Variants in TRPM3 observed in about 807,000 individuals in gnomAD.
TRPM3 encodes transient receptor potential cation channel subfamily M member 3.
Under a neutral mutation model 181.2 loss-of-function variants are expected in TRPM3, and 77 were observed. The observed-to-expected ratio is 0.42, with a 90% CI of 0.35 to 0.51. The LOEUF is 0.51. TRPM3 is among the 20% of genes least tolerant of loss of function. The pLI, the probability that TRPM3 is intolerant of heterozygous loss-of-function variation, is 0.01. For missense variants in TRPM3, 1,759 were observed against 2,196.7 expected (o/e 0.80, Z 3.98); for synonymous variants, 745 against 796.4 (o/e 0.94, Z 1.09).
At chr9:71,020,977 A>G (rs1369814573) in intron 1 of TRPM3, among the ~76,000 whole-genome samples, 1 of 152,188 alleles carries the variant, frequency 6.6e-6, no homozygotes, top group South Asian at 2.1e-4. Flanking sequence ...GGTTAAATAC[A>G]CCCAAATGGC....
In TRPM3 at chr9:71,170,233, G is replaced by A. The variant is rs191824874; in HGVS notation, c.183+276420C>T. 1.8e-4 allele frequency among the ~76,000 whole-genome samples: 28 copies of A among 152,198 alleles called. 1 individual carries two copies. The highest frequency in any genetic ancestry group is 3.4e-3 in the Middle Eastern group (1 of 294). On this transcript the variant is annotated intron_variant, in intron 1 of 24. Transcript: ENST00000357533. Reference sequence around the variant, plus strand: ...ACAAGGGCCAATGAACTAAGTTACAGCAGAATAGAGAACACGAAGATGAAG... The same window carrying A: ...ACAAGGGCCAATGAACTAAGTTACAACAGAATAGAGAACACGAAGATGAAG...
chr9:71,205,708 A>C (rs1362368842), intron 1 of TRPM3, among the ~76,000 whole-genome samples: 1 of 152,246 alleles, frequency 6.6e-6, no homozygotes, highest in East Asian at 1.9e-4. Flanking sequence ...CAGCTCAAGA[A>C]GTAATTACTC....
chr9:70,607,946 C>T (rs1338681855), intron 19 of TRPM3, among the ~76,000 whole-genome samples: 1 of 152,166 alleles, frequency 6.6e-6, no homozygotes, highest in Non-Finnish European at 1.5e-5. Context: ...TGAGATTTAG[C>T]CTAAAGCTGC....
chr9:71,167,228 G>A (rs965941169), intron 1 of TRPM3, among the ~76,000 whole-genome samples: 7 of 152,180 alleles, frequency 4.6e-5, no homozygotes, highest in Non-Finnish European at 1.0e-4. Flanking sequence ...ATTCTGAAAA[G>A]CATGTATTCA....
chr9:70,874,208 A>G (rs1201718787), intron 1 of TRPM3, among the ~76,000 whole-genome samples: 1 of 151,964 alleles, frequency 6.6e-6, no homozygotes, highest in Non-Finnish European at 1.5e-5. Context: ...TTTATAAATA[A>G]TTTTAAAATA....
At chr9:71,048,283 T>C (rs182158490) in intron 1 of TRPM3, among the ~76,000 whole-genome samples, 1 of 152,330 alleles carries the variant, frequency 6.6e-6, no homozygotes, top group African/African-American at 2.4e-5. Context: ...GAAGACTGGT[T>C]AAAAAACTGT....
intron 17 of TRPM3, 42 bp downstream of exon 17, chr9:70,618,825 G>A (rs376200625): frequency 2.9e-5 from 45 of 1,561,666 alleles, no homozygotes; most frequent in Middle Eastern, 1.7e-4. Flanking sequence ...TAACCCACCC[G>A]CCGGTCCTCA....
chr9:71,439,134 T>C lies in TRPM3; in HGVS notation c.183+7519A>G, dbSNP rs141718575. The stretch of plus-strand genomic sequence containing the variant: ...ACATTTCAAGGACCAGGATCTGCTA[T>C]AGGAAATAATCATCTTGGAAAAGAC... On this transcript the variant is annotated intron_variant, in intron 1 of 24. Transcript: ENST00000357533. Among the ~76,000 whole-genome samples, 512 of 152,328 alleles carry C rather than the reference T, an allele frequency of 3.4e-3. 2 individuals are homozygous for C. Among genetic ancestry groups the C allele is most frequent in the South Asian group, 0.015 (73 of 4,830 alleles).
intron 1 of TRPM3, among the ~76,000 whole-genome samples, chr9:71,278,652 A>G (rs1294436191): frequency 6.6e-6 from 1 of 152,348 alleles, no homozygotes; most frequent in East Asian, 1.9e-4. Flanking sequence ...TTTAGGTTGA[A>G]CCGTATGTCC....
At chr9:70,966,712 A>C (rs989456284) in intron 1 of TRPM3, among the ~76,000 whole-genome samples, 4 of 152,048 alleles carry the variant, frequency 2.6e-5, no homozygotes, top group African/African-American at 9.7e-5. Context: ...GGACATATAG[A>C]GGGGAACACC....
At chr9:71,352,498 A>G (rs1441807323) in intron 1 of TRPM3, among the ~76,000 whole-genome samples, 1 of 152,130 alleles carries the variant, frequency 6.6e-6, no homozygotes, top group Non-Finnish European at 1.5e-5. Flanking sequence ...GGGATATGCT[A>G]TTCCAGCATT....
chr9:70,668,664 C>CAA (rs1466148469), intron 9 of TRPM3, among the ~76,000 whole-genome samples: 2 of 24,314 alleles, frequency 8.2e-5, no homozygotes, highest in South Asian at 1.7e-3. Context: ...GACTCCGTCT[C>CAA]AAAAAAAGAA....
intron 1 of TRPM3, among the ~76,000 whole-genome samples, chr9:71,154,816 G>C (rs1315753722): frequency 6.6e-6 from 1 of 152,144 alleles, no homozygotes; most frequent in Admixed American, 6.6e-5. Context: ...GGAATGCCAA[G>C]ATTGGAAAGC....
chr9:71,102,819 CTG>C (rs1415710136), intron 1 of TRPM3, among the ~76,000 whole-genome samples: 1 of 152,144 alleles, frequency 6.6e-6, no homozygotes, highest in African/African-American at 2.4e-5. Context: ...AGATCCTAGA[CTG>C]TAAAGATTAT....
intron 1 of TRPM3, among the ~76,000 whole-genome samples, chr9:71,197,387 A>T (rs1445850190): frequency 6.6e-6 from 1 of 152,108 alleles, no homozygotes; most frequent in African/African-American, 2.4e-5. Flanking sequence ...TATATACCCA[A>T]TAATGGGATG....
chr9:71,263,634 G>A (rs944863672), intron 1 of TRPM3, among the ~76,000 whole-genome samples: 10 of 152,132 alleles, frequency 6.6e-5, no homozygotes, highest in Admixed American at 5.2e-4. Flanking sequence ...TCTGCATAGA[G>A]AAGAGAAGTA....
intron 1 of TRPM3, among the ~76,000 whole-genome samples, chr9:71,302,783 A>C (rs1032393703): frequency 6.8e-6 from 1 of 146,640 alleles, no homozygotes; most frequent in African/African-American, 2.5e-5. Flanking sequence ...AAATATTCTA[A>C]AAAAAAAAAG....
At chr9:70,560,036 G>A (rs1254585246) in intron 22 of TRPM3, among the ~76,000 whole-genome samples, 1 of 152,164 alleles carries the variant, frequency 6.6e-6, no homozygotes, top group African/African-American at 2.4e-5. Flanking sequence ...AAAAGTGAAG[G>A]AGAGTGGAGA....
intron 22 of TRPM3, among the ~76,000 whole-genome samples, chr9:70,574,075 GACACACACACGCGCGCGC>G (rs1176258956): frequency 7.9e-6 from 1 of 127,148 alleles, no homozygotes; most frequent in East Asian, 2.2e-4. Context: ...ATTCATGTCA[GACACACACACGCGCGCGC>G]ACACACACAC....
Sources: allele counts gnomAD v4.1 joint callset (sites outside exome capture counted in the v4.1 genomes callset), GRCh38; gene constraint gnomAD v4.1.1; transcripts MANE v1.5; gene names NCBI Gene and HGNC (gene_info 2026-07-23, HGNC 2026-07-21).